HDDC2: variants seen among roughly 807,000 people sequenced by gnomAD.
HDDC2 encodes 5'-deoxynucleotidase HDDC2.
A neutral mutation model predicts 25.5 loss-of-function variants in HDDC2; 25 were observed. The observed-to-expected ratio is 0.98, with a 90% CI of 0.72 to 1.37. HDDC2 has a LOEUF of 1.37. Among genes scored for constraint, HDDC2 ranks in the 40% most tolerant of loss-of-function variants. HDDC2 has a pLI of 0.00. For missense variants in HDDC2, 264 were observed against 253.1 expected, an observed-to-expected ratio of 1.04 and a Z score of -0.29; for synonymous variants, 106 against 89.7, an observed-to-expected ratio of 1.18 and a Z score of -1.03.
chr6:125,292,143 G>C (rs181530170), intron 4 of HDDC2, among the ~76,000 whole-genome samples: 1 of 152,188 alleles, frequency 6.6e-6, no homozygotes, highest in Admixed American at 6.5e-5. Context: ...TGAATAAGGG[G>C]AGGCTTAGGG....
At chr6:125,282,115 G>A (rs1393189563) in intron 4 of HDDC2, among the ~76,000 whole-genome samples, 1 of 152,122 alleles carries the variant, frequency 6.6e-6, no homozygotes, top group Non-Finnish European at 1.5e-5. Context: ...GGAGGCCCAG[G>A]CGGGCAGATC....
Position 125,289,501 on chromosome 6 carries a change from AAAAC to A in HDDC2, c.378+3336_378+3339del, listed in dbSNP as rs1166603120. Among the ~76,000 whole-genome samples the A allele has an allele frequency of 2.2e-3, 281 of 129,288 alleles. 5 individuals carry two copies. Among genetic ancestry groups the A allele is most frequent in the African/African-American group, 9.8e-3 (260 of 26,496 alleles). 84.8% of individuals were successfully genotyped at this position (129,288 alleles called of 152,430 possible). On this transcript the variant is annotated intron_variant, in intron 4 of 5. Transcript: ENST00000398153. ...TATAATAAAAAAAAAAAAATTAAAA[AAAAC>A]AAAACAAAACAAAAAAAACAAAAAA...
intron 2 of HDDC2, among the ~76,000 whole-genome samples, chr6:125,299,876 T>C (rs1798769308): frequency 6.6e-6 from 1 of 152,216 alleles, no homozygotes; most frequent in Non-Finnish European, 1.5e-5. Flanking sequence ...TGACTTCTCC[T>C]ACCTCTCTGG....
rs1798383856 is a variant in HDDC2, at chr6:125,277,236, T to C, written c.383A>G (p.Tyr128Cys). 1.2e-6 allele frequency: 2 copies of C among 1,614,046 alleles called. No individual in the cohort carries two copies. Among genetic ancestry groups the C allele is most frequent in the Non-Finnish European group, 1.7e-6 (2 of 1,179,930 alleles). Residue 128 changes from tyrosine (Y) to cysteine (C), a missense_variant, in exon 5 of 6, where the codon TAC becomes TGC. Tyr to Cys is a radical substitution (Grantham distance 194). Transcript: ENST00000398153. ...GGCTTCTGCACTAGATTGGGTCTCG[T>C]ACTCCTAAGTAAAGGGACAATTAAA... ...RKELYELWEEYETQSSAEAKF... is the reference protein window; with the variant it reads ...RKELYELWEECETQSSAEAKF...
intron 2 of HDDC2, among the ~76,000 whole-genome samples, chr6:125,299,593 CCT>C (rs1467992444): frequency 6.6e-6 from 1 of 152,184 alleles, no homozygotes; most frequent in East Asian, 1.9e-4. Flanking sequence ...CCAACAGTGT[CCT>C]CTGAGATTTC....
At chr6:125,296,182 T>C (rs1798703590) in intron 3 of HDDC2, among the ~76,000 whole-genome samples, 1 of 152,050 alleles carries the variant, frequency 6.6e-6, no homozygotes, top group African/African-American at 2.4e-5. Flanking sequence ...TTACATAGCA[T>C]TTGCATTATA....
rs1292104423 is a variant in HDDC2 at position 125,275,909 on chromosome 6, A to G, written c.*237T>C. On this transcript the variant is annotated 3_prime_UTR_variant, in exon 6 of 6. Transcript: ENST00000398153. ...TTAGGTGTTTAATATTTATTTATTTAGTTCATAAACAGGCACTGCCACCTC... is the reference window on the plus strand; with the variant it reads ...TTAGGTGTTTAATATTTATTTATTTGGTTCATAAACAGGCACTGCCACCTC... 1 of 471,938 alleles carries G rather than the reference A, an allele frequency of 2.1e-6. No individual in the cohort carries two copies. The highest frequency in any genetic ancestry group is 3.7e-6 in the Non-Finnish European group (1 of 268,806). The allele number at this position is 471,938 out of a possible 1,614,324, so 29.2% of individuals were successfully genotyped here.
chr6:125,292,137 TA>T (rs1798640740), intron 4 of HDDC2, among the ~76,000 whole-genome samples: 1 of 151,992 alleles, frequency 6.6e-6, no homozygotes, highest in Non-Finnish European at 1.5e-5. Context: ...TATCTATGAA[TA>T]AGGGGAGGCT....
intron 3 of HDDC2, 177 bp from the exon 4 acceptor site, chr6:125,293,086 TTAAA>T: frequency 1.5e-6 from 1 of 688,094 alleles, no homozygotes; most frequent in Non-Finnish European, 2.7e-6. Flanking sequence ...GTTGTATACC[TTAAA>T]TAAATAAGTG....
chr6:125,283,791 CT>C (rs1798494071), intron 4 of HDDC2, among the ~76,000 whole-genome samples: 5 of 152,258 alleles, frequency 3.3e-5, no homozygotes, highest in Admixed American at 3.3e-4. Context: ...CACTGACTTT[CT>C]CCACAGAATT....
intron 3 of HDDC2, 34 bp from the exon 4 acceptor site, chr6:125,292,943 G>A (rs765694169): frequency 1.3e-6 from 2 of 1,515,924 alleles, no homozygotes; most frequent in Non-Finnish European, 1.8e-6. Flanking sequence ...TAATTATATT[G>A]ACATTTATCA....
intron 3 of HDDC2, among the ~76,000 whole-genome samples, chr6:125,296,356 C>T (rs893367755): frequency 6.6e-6 from 1 of 152,098 alleles, no homozygotes; most frequent in African/African-American, 2.4e-5. Flanking sequence ...TGTATTTTTT[C>T]TCCCTCCTAC....
chr6:125,301,482 G>GCACACACACGCGCACACA (rs1412473241), intron 1 of HDDC2, among the ~76,000 whole-genome samples: 33 of 120,420 alleles, frequency 2.7e-4, no homozygotes, highest in East Asian at 1.2e-3. Flanking sequence ...GGGGTCGTGA[G>GCACACACACGCGCACACA]CACACACACA....
Position 125,300,539 on chromosome 6 carries a change from G to C in HDDC2, c.205C>G (p.Arg69Gly), listed in dbSNP as rs770115188. ...VIKDDRLNKDRCVRLALVHDM... is the reference protein window; with the variant it reads ...VIKDDRLNKDGCVRLALVHDM... Reference sequence around the variant, plus strand: ...GCATCAAAGTCCAGCTCAGCTTACCGGTCTTTGTTAAGACGGTCATCTTTG... The same window carrying C: ...GCATCAAAGTCCAGCTCAGCTTACCCGTCTTTGTTAAGACGGTCATCTTTG... Residue 69 changes from arginine to glycine, a missense_variant and splice_region_variant, in exon 2 of 6, where the codon CGA becomes GGA. Coordinates refer to ENST00000398153, the MANE Select transcript of HDDC2 (RefSeq NM_016063.3). 3.7e-5 allele frequency: 60 copies of C among 1,613,338 alleles called. No individual in the cohort carries two copies. Among genetic ancestry groups the C allele is most frequent in the Non-Finnish European group, 5.1e-5 (60 of 1,179,750 alleles).
intron 3 of HDDC2, among the ~76,000 whole-genome samples, chr6:125,294,834 G>C (rs1798684270): frequency 6.6e-6 from 1 of 152,082 alleles, no homozygotes; most frequent in African/African-American, 2.4e-5. Flanking sequence ...GACTGAATTG[G>C]CTTTTTGGTG....
At chr6:125,286,692 A>C (rs1455296528) in intron 4 of HDDC2, among the ~76,000 whole-genome samples, 2 of 152,210 alleles carry the variant, frequency 1.3e-5, no homozygotes, top group Admixed American at 1.3e-4. Context: ...TCTATTTTAA[A>C]ATAAACAAAC....
Position 125,292,849 on chromosome 6 carries a change from G to A in HDDC2, c.370C>T (p.Leu124Phe), listed in dbSNP as rs1562445795. 1.2e-6 allele frequency: 2 copies of A among 1,611,752 alleles called. No individual in the cohort carries two copies. The highest frequency in any genetic ancestry group is 1.1e-5 in the South Asian group (1 of 91,006). Residue 124 changes from leucine to phenylalanine, a missense_variant, in exon 4 of 6, where the codon CTT becomes TTT. By Grantham distance (22) the Leu-to-Phe change is conservative. Transcript: ENST00000398153. ...PEDLRKELYE[L>F]WEEYETQSSA... ...GTACCATATATACTTACTTCCCAAA[G>A]TTCATAGAGCTCCTTTCTGAGGTCC...
chr6:125,287,852 A>G lies in HDDC2; in HGVS notation c.378+4989T>C, dbSNP rs1026605766. On this transcript the variant is annotated intron_variant, in intron 4 of 5. Transcript: ENST00000398153. ...GGAGGGATGAGGTTTTCAGCAGGAG[A>G]GTGGCAACACCTCATGCCGCCACAG... Among the ~76,000 whole-genome samples the G allele has an allele frequency of 3.3e-4, 51 of 152,352 alleles. 1 individual carries two copies. Among genetic ancestry groups the G allele is most frequent in the African/African-American group, 1.2e-3 (50 of 41,590 alleles).
At chr6:125,287,149 A>G (rs903646909) in intron 4 of HDDC2, among the ~76,000 whole-genome samples, 13 of 152,238 alleles carry the variant, frequency 8.5e-5, no homozygotes, top group Non-Finnish European at 1.5e-4. Flanking sequence ...CAGGTAAATT[A>G]TAAGAAAAAG....
Sources: allele counts gnomAD v4.1 joint callset (sites outside exome capture counted in the v4.1 genomes callset), GRCh38; gene constraint gnomAD v4.1.1; transcripts MANE v1.5; gene names NCBI Gene and HGNC (gene_info 2026-07-23, HGNC 2026-07-21).